The following FAM53A variants were observed in gnomAD, a reference collection of about 807,000 sequenced individuals.
FAM53A encodes family with sequence similarity 53 member A.
A neutral mutation model predicts 26.6 loss-of-function variants in FAM53A; 28 were observed. The ratio of observed to expected loss-of-function variants is 1.05; its 90% CI spans 0.78 to 1.45. The LOEUF (loss-of-function observed/expected upper bound fraction) is 1.45, where lower values mean the gene tolerates loss of function less well. Ranked by LOEUF, FAM53A falls within the 40% of genes most tolerant of loss-of-function variation. FAM53A has a pLI of 0.00. For synonymous variants in FAM53A, 290 were observed against 253.1 expected, an observed-to-expected ratio of 1.15 and a Z score of -1.38; for missense variants, 650 against 575.8, an observed-to-expected ratio of 1.13 and a Z score of -1.32.
In FAM53A at chr4:1,644,138, C is replaced by T. The variant is rs1406826528; in HGVS notation, c.883-2531G>A. On this transcript the variant is annotated intron_variant, in intron 4 of 4. Transcript: ENST00000308132. Reference sequence around the variant, plus strand: ...ACACAGGATGGCCTCCAATCCACAGCACCACCAGGCTGCACTACACACGCA... The same window carrying T: ...ACACAGGATGGCCTCCAATCCACAGTACCACCAGGCTGCACTACACACGCA... 6 of 1,516,980 alleles carry T rather than the reference C, an allele frequency of 4.0e-6. No homozygotes were observed. In the East Asian group the frequency reaches 1.5e-4, roughly 37 times the overall value. The allele number at this position is 1,516,980 out of a possible 1,614,324, so 94.0% of individuals were successfully genotyped here. A position where few individuals can be genotyped will look rare whatever the true frequency, so the allele number is the denominator to read the frequency against.
At chr4:1,608,955 A>G in the FAM53A span, among the ~76,000 whole-genome samples, 1 of 152,064 alleles carries the variant, frequency 6.6e-6, no homozygotes, top group Non-Finnish European at 1.5e-5. Context: ...AAGGAGGAGC[A>G]GGAGGGAGAG....
chr4:1,669,909 C>T (rs939386220), intron 1 of FAM53A, among the ~76,000 whole-genome samples: 7 of 152,214 alleles, frequency 4.6e-5, no homozygotes, highest in Non-Finnish European at 1.0e-4. Context: ...CCTCAGCTGC[C>T]GCCCGGCTTC....
chr4:1,662,479 C>CAAA (rs59768929), intron 2 of FAM53A, among the ~76,000 whole-genome samples: 111 of 68,260 alleles, frequency 1.6e-3, no homozygotes, highest in Middle Eastern at 0.017. Flanking sequence ...GATTCCATCA[C>CAAA]AAAAAAAAAA....
At chr4:1,592,104 G>A in the FAM53A span, among the ~76,000 whole-genome samples, 1 of 152,078 alleles carries the variant, frequency 6.6e-6, no homozygotes, top group Admixed American at 6.6e-5. Flanking sequence ...TTGTTCTGTG[G>A]GGTTTGTCGG....
At chr4:1,678,831 A>C (rs1290474383) in intron 1 of FAM53A, among the ~76,000 whole-genome samples, 1 of 152,076 alleles carries the variant, frequency 6.6e-6, no homozygotes, top group Non-Finnish European at 1.5e-5. Flanking sequence ...CAAAAAAAAG[A>C]CATGGAGTGT....
intron 4 of FAM53A, among the ~76,000 whole-genome samples, chr4:1,652,012 T>TCACACACACACCACACACGC (rs753005149): frequency 0.01 from 979 of 95,598 alleles, 16 homozygotes; most frequent in African/African-American, 0.036. Flanking sequence ...ACCACACACG[T>TCACACACACACCACACACGC]CACACACACA....
chr4:1,640,508 C>T lies in FAM53A; in HGVS notation c.*785G>A. The T allele has an allele frequency of 3.3e-6, 1 of 304,574 alleles. No homozygotes were observed. The highest frequency in any genetic ancestry group is 6.2e-6 in the Non-Finnish European group (1 of 162,192). 18.9% of individuals were successfully genotyped at this position (304,574 alleles called of 1,614,324 possible). On this transcript the variant is annotated 3_prime_UTR_variant, in exon 5 of 5. Coordinates refer to ENST00000308132, the MANE Select transcript of FAM53A (RefSeq NM_001174070.3). ...AATAGAACGCCCTTCTGAAATGCATCCAAAATAGAGAAGCTTTCTCCCGAA... is the reference window on the plus strand; with the variant it reads ...AATAGAACGCCCTTCTGAAATGCATTCAAAATAGAGAAGCTTTCTCCCGAA...
the FAM53A span, among the ~76,000 whole-genome samples, chr4:1,582,908 T>G: frequency 2.1e-4 from 32 of 152,122 alleles, 1 homozygote; most frequent in African/African-American, 7.0e-4. Context: ...GAGAAAAACC[T>G]TGGGATTGGA....
the FAM53A span, among the ~76,000 whole-genome samples, chr4:1,584,192 T>C: frequency 6.6e-6 from 1 of 152,254 alleles, no homozygotes; most frequent in Non-Finnish European, 1.5e-5. Context: ...TATATTCAAA[T>C]CCATCCATTT....
downstream of FAM53A, among the ~76,000 whole-genome samples, chr4:1,637,442 G>A (rs992124929): frequency 1.3e-5 from 2 of 152,166 alleles, no homozygotes; most frequent in Admixed American, 6.5e-5. Flanking sequence ...GAGCCTGGGG[G>A]AGGATGGAGA....
chr4:1,635,316 C>A (rs550657950), downstream of FAM53A, among the ~76,000 whole-genome samples: 4 of 152,256 alleles, frequency 2.6e-5, 1 homozygote. Flanking sequence ...CACTGTCATC[C>A]AGGCTGGAGT....
At position 1,641,150 on chromosome 4, in the gene FAM53A, G is replaced by A. The variant is rs942685516; in HGVS notation, c.*143C>T. ...CAGGGCAGGTGCCGGCGGCAGCCGT[G>A]GCCCCGACCAGCTCACAGGAAACCT... On this transcript the variant is annotated 3_prime_UTR_variant, in exon 5 of 5. Coordinates refer to ENST00000308132, the MANE Select transcript of FAM53A (RefSeq NM_001174070.3). 4 of 629,222 alleles carry A rather than the reference G, an allele frequency of 6.4e-6. No individual in the cohort carries two copies. In the Admixed American group the frequency reaches 1.2e-4, roughly 19 times the overall value. 39.0% of individuals were successfully genotyped at this position (629,222 alleles called of 1,614,324 possible). A position where few individuals can be genotyped will look rare whatever the true frequency, so the allele number is the denominator to read the frequency against.
At chr4:1,676,860 C>G (rs1715080606) in intron 1 of FAM53A, among the ~76,000 whole-genome samples, 1 of 152,170 alleles carries the variant, frequency 6.6e-6, no homozygotes, top group East Asian at 1.9e-4. Context: ...TCCAGTTAGG[C>G]CACACAGTGG....
At chr4:1,588,168 G>T in the FAM53A span, among the ~76,000 whole-genome samples, 2 of 152,198 alleles carry the variant, frequency 1.3e-5, no homozygotes, top group African/African-American at 4.8e-5. Context: ...TCTCCAAATA[G>T]GGTCTGGTGC....
At chr4:1,624,261 G>A (rs1376476326) in intron 1 of FAM53A, among the ~76,000 whole-genome samples, 1 of 152,242 alleles carries the variant, frequency 6.6e-6, no homozygotes. Flanking sequence ...ACTTCGCAGG[G>A]CCCACGGCAG....
At chr4:1,600,932 C>G in the FAM53A span, among the ~76,000 whole-genome samples, 45 of 152,356 alleles carry the variant, frequency 3.0e-4, no homozygotes, top group African/African-American at 1.0e-3. Context: ...GGCTCGACGT[C>G]TGGGACATGG....
chr4:1,617,335 A>G (rs1264438549), downstream of FAM53A, among the ~76,000 whole-genome samples: 1 of 151,884 alleles, frequency 6.6e-6, no homozygotes, highest in Admixed American at 6.6e-5. Context: ...CTCTTCATCC[A>G]CTTTTTTAGT....
At chr4:1,614,911 G>A (rs1345931116), downstream of FAM53A, among the ~76,000 whole-genome samples, 1 of 152,168 alleles carries the variant, frequency 6.6e-6, no homozygotes, top group African/African-American at 2.4e-5. Context: ...ACGGACACCA[G>A]ATGGCATTTC....
intron 1 of FAM53A, among the ~76,000 whole-genome samples, chr4:1,679,954 C>T (rs1421950747): frequency 1.3e-5 from 2 of 149,596 alleles, no homozygotes; most frequent in Non-Finnish European, 2.9e-5. Context: ...GAGGATGAGG[C>T]GGCAGTTGCA....
Sources: gnomAD v4.1 joint callset for allele counts (sites outside exome capture counted in the v4.1 genomes callset) on GRCh38, gnomAD v4.1.1 for gene constraint, MANE v1.5 for transcripts, NCBI Gene and HGNC (gene_info 2026-07-23, HGNC 2026-07-21) for gene names.